The following DNAH12 variants were observed in gnomAD, a reference collection of about 807,000 sequenced individuals.
DNAH12 encodes dynein axonemal heavy chain 12.
DNAH12 carries 285 observed loss-of-function variants against 371.5 expected under a neutral mutation model. That is an observed-to-expected ratio of 0.77 (90% CI 0.70 to 0.85). DNAH12 has a LOEUF of 0.85. Among genes scored for constraint, DNAH12 ranks in the 40% least tolerant of loss-of-function variants. DNAH12 has a pLI of 0.00. For synonymous variants in DNAH12, 1,200 were observed against 1,213.0 expected (o/e 0.99, Z 0.22); for missense variants, 3,611 against 3,689.4 (o/e 0.98, Z 0.55).
At position 57,419,385 on chromosome 3, in the gene DNAH12, A is replaced by ATTTG; in HGVS notation, c.5695_5696insCAAA (p.Leu1899SerfsTer27). On this transcript the variant is annotated frameshift_variant, in exon 37 of 74. Coordinates refer to ENST00000495027, the MANE Select transcript of DNAH12 (RefSeq NM_001366028.2). LOFTEE classifies it high-confidence loss of function. ...TCCTTACTTTGCATAGGTAATACTC[A>ATTTG]AATCCATTAGAAACGTATATCTAAT... 6.7e-7 allele frequency: 1 copy of ATTTG among 1,501,764 alleles called. No individual in the cohort carries two copies. Among genetic ancestry groups the ATTTG allele is most frequent in the African/African-American group, 1.4e-5 (1 of 69,640 alleles). 93.0% of individuals were successfully genotyped at this position (1,501,764 alleles called of 1,614,324 possible). A position where few individuals can be genotyped will look rare whatever the true frequency, so the allele number is the denominator to read the frequency against.
chr3:57,314,165 C>T (rs114792212), intron 66 of DNAH12, among the ~76,000 whole-genome samples: 4 of 152,300 alleles, frequency 2.6e-5, no homozygotes, highest in Non-Finnish European at 5.9e-5. Flanking sequence ...CCAACACTGA[C>T]AATGGCACTG....
At chr3:57,336,388 G>T (rs1222496965) in intron 60 of DNAH12, among the ~76,000 whole-genome samples, 6 of 151,756 alleles carry the variant, frequency 4.0e-5, no homozygotes, top group African/African-American at 1.5e-4. Context: ...AGCAAAGTAT[G>T]AACATAATAG....
At chr3:57,320,973 C>G (rs1373986653) in intron 65 of DNAH12, among the ~76,000 whole-genome samples, 1 of 152,162 alleles carries the variant, frequency 6.6e-6, no homozygotes, top group Non-Finnish European at 1.5e-5. Flanking sequence ...TCAGATATCC[C>G]AACAAATCCC....
intron 45 of DNAH12, among the ~76,000 whole-genome samples, chr3:57,389,231 GAA>G (rs36159319): frequency 7.0e-6 from 1 of 143,060 alleles, no homozygotes; most frequent in Non-Finnish European, 1.5e-5. Context: ...AGGTCCACAG[GAA>G]AAAAAAAAAA....
At chr3:57,303,503 C>T (rs2061407208) in intron 69 of DNAH12, among the ~76,000 whole-genome samples, 2 of 151,560 alleles carry the variant, frequency 1.3e-5, no homozygotes, top group African/African-American at 4.9e-5. Context: ...CCTCCATCTC[C>T]CAGGCTCAAG....
In DNAH12 at chr3:57,310,944, TAAATAACTGAAGCAAAG is replaced by T; in HGVS notation, c.10663-11_10668del. The T allele has an allele frequency of 6.5e-7, 1 of 1,542,984 alleles. No individual in the cohort carries two copies. The highest frequency in any genetic ancestry group is 8.8e-7 in the Non-Finnish European group (1 of 1,140,946). ...AATGGAATTGTATCATATTCATTGA[TAAATAACTGAAGCAAAG>T]GAAAAATGAAACAAGAAAAACCTTA... On this transcript the variant is annotated splice_acceptor_variant and splice_polypyrimidine_tract_variant and coding_sequence_variant and intron_variant, in exon 67 of 74. Transcript: ENST00000495027. LOFTEE classifies it high-confidence loss of function.
chr3:57,437,060 C>T lies in DNAH12; in HGVS notation c.4546G>A (p.Glu1516Lys), dbSNP rs1011932176. The change falls in exon 30 of 74, where the codon GAA becomes AAA. Residue 1516 changes from glutamate to lysine, a missense_variant and splice_region_variant. Around this residue, in one of 3 missense-constraint regions of DNAH12, gnomAD observed 2,266 missense variants for 2,236.9 expected, o/e 1.01. Transcript: ENST00000495027. ...GCTTCATGAGCACATTCCAAAAATT[C>T]CTGAAATAAAAAAAAGTAATGCATT... ...GIKLPEADYHEFLECAHEACN... is the reference protein window; with the variant it reads ...GIKLPEADYHKFLECAHEACN... 1.1e-5 allele frequency: 17 copies of T among 1,512,570 alleles called. No individual in the cohort carries two copies. The highest frequency in any genetic ancestry group is 1.4e-5 in the Non-Finnish European group (16 of 1,133,944). The allele number at this position is 1,512,570 out of a possible 1,614,324, so 93.7% of individuals were successfully genotyped here.
intron 60 of DNAH12, 97 bp downstream of exon 60, chr3:57,351,988 G>A (rs2062686730): frequency 7.8e-7 from 1 of 1,278,158 alleles, no homozygotes; most frequent in African/African-American, 1.5e-5. Context: ...CTTAAGCGAA[G>A]AAAAATATAG....
At chr3:57,459,539 A>G in intron 20 of DNAH12, 53 bp downstream of exon 20, 1 of 1,301,712 alleles carries the variant, frequency 7.7e-7, no homozygotes, top group African/African-American at 1.5e-5. Flanking sequence ...TGTTTTACTT[A>G]ATTTCCAAAA....
At chr3:57,519,555 T>C in intron 4 of DNAH12, 1 of 645,528 alleles carries the variant, frequency 1.5e-6, no homozygotes, top group Non-Finnish European at 2.9e-6. Flanking sequence ...CACAGATCCA[T>C]CGACTCCTAT....
intron 43 of DNAH12, among the ~76,000 whole-genome samples, chr3:57,401,773 A>G (rs6779700): frequency 0.23 from 34,411 of 151,858 alleles, 4,545 homozygotes; most frequent in South Asian, 0.43. Flanking sequence ...GAAGACTCAA[A>G]TAACAAAAAT....
At chr3:57,543,218 C>G (rs1465413750) in intron 1 of DNAH12, among the ~76,000 whole-genome samples, 9 of 151,620 alleles carry the variant, frequency 5.9e-5, no homozygotes, top group Non-Finnish European at 1.2e-4. Flanking sequence ...GCAAAATTTT[C>G]CCGAGATGCA....
In DNAH12 at chr3:57,359,455, A is replaced by T. The variant is rs893883881; in HGVS notation, c.9361-2107T>A. 4.0e-5 allele frequency among the ~76,000 whole-genome samples: 6 copies of T among 149,216 alleles called. No homozygotes were observed. The East Asian group carries it at 8.2e-4, about 20-fold the overall frequency. On this transcript the variant is annotated intron_variant, in intron 58 of 73. Transcript: ENST00000495027. ...ATGCCTGTAATCCCAGCTACTCCAG[A>T]GGCTGAGGCAGGAGAATGGCTTGAA...
intron 17 of DNAH12, among the ~76,000 whole-genome samples, chr3:57,464,624 A>G (rs2066145735): frequency 6.6e-6 from 1 of 152,168 alleles, no homozygotes; most frequent in African/African-American, 2.4e-5. Flanking sequence ...CAAACAGGGA[A>G]CCATGATCTC....
chr3:57,555,026 GC>G, the DNAH12 span, among the ~76,000 whole-genome samples: 175 of 152,190 alleles, frequency 1.1e-3, no homozygotes, highest in African/African-American at 3.8e-3. Context: ...CGGGGGGCTT[GC>G]TTGAGGCCAG....
intron 43 of DNAH12, among the ~76,000 whole-genome samples, chr3:57,396,747 T>C (rs917396395): frequency 2.6e-5 from 4 of 152,228 alleles, no homozygotes; most frequent in Admixed American, 6.5e-5. Context: ...AATTTTTGTA[T>C]TTTTAGGAGA....
At chr3:57,532,225 A>G (rs759458090) in intron 2 of DNAH12, among the ~76,000 whole-genome samples, 6 of 152,164 alleles carry the variant, frequency 3.9e-5, no homozygotes, top group Non-Finnish European at 8.8e-5. Context: ...TTTATCTGAT[A>G]AAGTTCGAAA....
intron 44 of DNAH12, 133 bp from the exon 45 acceptor site, chr3:57,392,199 T>A (rs1180197537): frequency 4.6e-5 from 7 of 152,328 alleles, no homozygotes; most frequent in African/African-American, 1.4e-4. Context: ...TTTATATCAA[T>A]AGAATGGCTT....
At chr3:57,390,185 C>G (rs1373737350) in intron 45 of DNAH12, among the ~76,000 whole-genome samples, 2 of 146,402 alleles carry the variant, frequency 1.4e-5, no homozygotes, top group African/African-American at 4.9e-5. Flanking sequence ...TGCCTATAAT[C>G]CCAGGACTTT....
Sources: gnomAD v4.1 joint callset for allele counts (sites outside exome capture counted in the v4.1 genomes callset) on GRCh38, gnomAD v4.1.1 for gene constraint, gnomAD v4.1.1 regional missense constraint, MANE v1.5 for transcripts, NCBI Gene and HGNC (gene_info 2026-07-23, HGNC 2026-07-21) for gene names.